Variants in KIF1B observed in about 807,000 individuals in gnomAD.
KIF1B encodes kinesin family member 1B.
In KIF1B, 76 loss-of-function variants were observed where a neutral mutation model predicts 241.9. The observed-to-expected ratio is 0.31, with a 90% CI of 0.26 to 0.38. The LOEUF (loss-of-function observed/expected upper bound fraction) is 0.38, where lower values mean the gene tolerates loss of function less well. Ranked by LOEUF, KIF1B falls within the 10% of genes least tolerant of loss-of-function variation. The probability of loss-of-function intolerance (pLI) is 1.00; values close to 1 mark genes in which losing one functional copy is unlikely to be tolerated. For synonymous variants in KIF1B, 750 were observed against 796.7 expected, an observed-to-expected ratio of 0.94 and a Z score of 0.99; for missense variants, 1,622 against 2,271.4, an observed-to-expected ratio of 0.71 and a Z score of 5.81.
intron 27 of KIF1B, among the ~76,000 whole-genome samples, chr1:10,333,182 T>G (rs1652021138): frequency 6.6e-6 from 1 of 150,420 alleles, no homozygotes; most frequent in African/African-American, 2.4e-5. Flanking sequence ...TCCCAGCACT[T>G]TGGGAGGCCG....
chr1:10,212,261 C>A (rs1646703042), intron 1 of KIF1B, among the ~76,000 whole-genome samples: 1 of 152,164 alleles, frequency 6.6e-6, no homozygotes, highest in African/African-American at 2.4e-5. Context: ...TTAGTCATAA[C>A]AAAATCTAGT....
intron 14 of KIF1B, among the ~76,000 whole-genome samples, chr1:10,281,649 T>C (rs1317657929): frequency 2.0e-5 from 3 of 152,212 alleles, no homozygotes; most frequent in Admixed American, 6.5e-5. Flanking sequence ...TGTTCTTCCC[T>C]GTTGAGGCAA....
rs2102367692 is a variant in KIF1B at position 10,378,024 on chromosome 1, A to G, written c.*1437A>G. The G allele has an allele frequency of 2.7e-6, 1 of 364,182 alleles. No homozygotes were observed. Among genetic ancestry groups the G allele is most frequent in the Admixed American group, 4.3e-5 (1 of 23,226 alleles). The allele number at this position is 364,182 out of a possible 1,614,324, so 22.6% of individuals were successfully genotyped here. On this transcript the variant is annotated 3_prime_UTR_variant, in exon 49 of 49. Transcript: ENST00000676179. Reference sequence around the variant, plus strand: ...AAAGAAATATAGCTTTCAGGCATAAACCTGGAAGTCTCCCTCTGAATCCAG... The same window carrying G: ...AAAGAAATATAGCTTTCAGGCATAAGCCTGGAAGTCTCCCTCTGAATCCAG...
rs1056607834 is a variant in KIF1B at position 10,380,782 on chromosome 1, T to C, written c.*4195T>C. The C allele has an allele frequency of 4.6e-6, 1 of 218,690 alleles. No individual in the cohort carries two copies. The highest frequency in any genetic ancestry group is 6.8e-5 in the East Asian group (1 of 14,756). 13.5% of individuals were successfully genotyped at this position (218,690 alleles called of 1,614,324 possible). On this transcript the variant is annotated 3_prime_UTR_variant, in exon 49 of 49. Coordinates refer to ENST00000676179, the MANE Select transcript of KIF1B (RefSeq NM_001365951.3). The stretch of plus-strand genomic sequence containing the variant: ...TGTGTTTACATAGGACTCTAACTTG[T>C]GTGCACTACAGTTGTTCACCAGGGC...
chr1:10,303,149 T>C lies in KIF1B; in HGVS notation c.2115+5903T>C, dbSNP rs1650625537. 1.2e-6 allele frequency: 2 copies of C among 1,602,050 alleles called. No homozygotes were observed. Among genetic ancestry groups the C allele is most frequent in the East Asian group, 4.5e-5 (2 of 44,746 alleles). ...GTTATTTTGGGGCCATTTTTTGATT[T>C]TGTTTTTCCAAAGGACGCGGATTCT... On this transcript the variant is annotated intron_variant, in intron 22 of 48. Coordinates refer to ENST00000676179, the MANE Select transcript of KIF1B (RefSeq NM_001365951.3). This position sits in a 1 kb window ranked among gnomAD's most constrained non-coding sequence, Gnocchi z 5.2.
chr1:10,253,930 C>T (rs919448106), intron 2 of KIF1B, among the ~76,000 whole-genome samples: 2 of 152,160 alleles, frequency 1.3e-5, no homozygotes, highest in African/African-American at 2.4e-5. Flanking sequence ...AACTAAGCAC[C>T]GTAGCAACTG....
chr1:10,262,804 G>A (rs1648222418), intron 5 of KIF1B, among the ~76,000 whole-genome samples: 1 of 151,960 alleles, frequency 6.6e-6, no homozygotes, highest in Non-Finnish European at 1.5e-5. Context: ...CTTTAATATT[G>A]TTAATAATGG....
chr1:10,292,822 C>T (rs1337247811), intron 17 of KIF1B, among the ~76,000 whole-genome samples: 1 of 152,104 alleles, frequency 6.6e-6, no homozygotes, highest in Non-Finnish European at 1.5e-5. Context: ...ATTTTGTGTG[C>T]TTATGTATCA....
chr1:10,303,052 T>G lies in KIF1B; in HGVS notation c.2115+5806T>G. The G allele has an allele frequency of 7.4e-7, 1 of 1,347,988 alleles. No individual in the cohort carries two copies. The highest frequency in any genetic ancestry group is 1.0e-6 in the Non-Finnish European group (1 of 997,072). The allele number at this position is 1,347,988 out of a possible 1,614,324, so 83.5% of individuals were successfully genotyped here. A position where few individuals can be genotyped will look rare whatever the true frequency, so the allele number is the denominator to read the frequency against. ...GTTTTTTAGTTTTTTTGGTCTTATT[T>G]TTAAATTTGGTTAAGGCTTTTTTGC... On this transcript the variant is annotated intron_variant, in intron 22 of 48. Transcript: ENST00000676179. This position sits in a 1 kb window ranked among gnomAD's most constrained non-coding sequence, Gnocchi z 5.2.
intron 34 of KIF1B, 58 bp from the exon 35 acceptor site, chr1:10,345,787 G>T (rs1652566114): frequency 8.1e-7 from 1 of 1,237,568 alleles, no homozygotes; most frequent in Admixed American, 1.8e-5. Flanking sequence ...AGAGAAGCTT[G>T]TATTTTTGCT....
intron 22 of KIF1B, among the ~76,000 whole-genome samples, chr1:10,310,524 G>A (rs757308429): frequency 2.0e-5 from 3 of 151,692 alleles, no homozygotes; most frequent in Non-Finnish European, 4.4e-5. Context: ...AAGGGTGGCC[G>A]TGTTCCAGTC....
At chr1:10,220,300 G>T (rs536155315) in intron 1 of KIF1B, among the ~76,000 whole-genome samples, 1 of 151,812 alleles carries the variant, frequency 6.6e-6, no homozygotes, top group Non-Finnish European at 1.5e-5. Flanking sequence ...GAGCCTGGGA[G>T]ATTGAGGCTG....
At chr1:10,246,622 T>C (rs1052398439) in intron 2 of KIF1B, among the ~76,000 whole-genome samples, 2 of 152,078 alleles carry the variant, frequency 1.3e-5, no homozygotes, top group African/African-American at 2.4e-5. Context: ...TGCACGCCCA[T>C]AGTCCCAGCT....
intron 1 of KIF1B, chr1:10,227,602 G>T (rs1424769494): frequency 6.6e-6 from 1 of 151,986 alleles, no homozygotes; most frequent in African/African-American, 2.4e-5. Context: ...TATTTCCTTT[G>T]TTCGAGACCA....
rs767998327 is a variant in KIF1B at position 10,324,855 on chromosome 1, C to G, written c.2635C>G (p.Pro879Ala). 3.7e-5 allele frequency: 60 copies of G among 1,613,940 alleles called. No individual in the cohort carries two copies. Among genetic ancestry groups the G allele is most frequent in the Non-Finnish European group, 4.6e-5 (54 of 1,180,020 alleles). The change falls in exon 26 of 49, where the codon CCC becomes GCC. Residue 879 changes from proline to alanine, a missense_variant. Coordinates refer to ENST00000676179, the MANE Select transcript of KIF1B (RefSeq NM_001365951.3). Reference protein sequence around the residue: ...ESETTVTGSDPFYDRFHWFKL... With the variant: ...ESETTVTGSDAFYDRFHWFKL... ...CGAAACCACTGTGACTGGCAGCGAT[C>G]CCTTCTATGATCGGTTCCACTGGTT...
At position 10,348,220 on chromosome 1, in the gene KIF1B, A is replaced by G. The variant is rs560873455; in HGVS notation, c.3864+393A>G. The stretch of plus-strand genomic sequence containing the variant: ...TGGACTAAAAATCTGGTTATGAAAC[A>G]TAGGTCCGCTTTTGGTAAATCAAAA... On this transcript the variant is annotated intron_variant, in intron 36 of 48. Coordinates refer to ENST00000676179, the MANE Select transcript of KIF1B (RefSeq NM_001365951.3). Among the ~76,000 whole-genome samples, 129 of 152,338 alleles carry G rather than the reference A, an allele frequency of 8.5e-4. No individual in the cohort carries two copies. In the Middle Eastern group the frequency reaches 0.024, roughly 28 times the overall value.
intron 14 of KIF1B, 40 bp from the exon 15 acceptor site, chr1:10,282,282 T>C (rs1207674832): frequency 6.6e-7 from 1 of 1,504,886 alleles, no homozygotes; most frequent in Non-Finnish European, 9.2e-7. Flanking sequence ...TCTTTCCCTT[T>C]TCCCTACTTT....
intron 40 of KIF1B, among the ~76,000 whole-genome samples, chr1:10,362,869 A>C (rs1638462243): frequency 6.6e-6 from 1 of 151,972 alleles, no homozygotes; most frequent in South Asian, 2.1e-4. Context: ...CCAGGAGTTC[A>C]AGACCAGCCT....
At chr1:10,233,767 G>T (rs538462881) in intron 2 of KIF1B, among the ~76,000 whole-genome samples, 1 of 147,978 alleles carries the variant, frequency 6.8e-6, no homozygotes, top group South Asian at 2.1e-4. Context: ...AGGCTGGAGT[G>T]CAGTGGCATG....
Sources: allele counts gnomAD v4.1 joint callset (sites outside exome capture counted in the v4.1 genomes callset), GRCh38; gene constraint gnomAD v4.1.1; non-coding constraint Gnocchi (gnomAD v3.1); transcripts MANE v1.5; gene names NCBI Gene and HGNC (gene_info 2026-07-23, HGNC 2026-07-21).